The following DAB1 variants were observed in gnomAD, a reference collection of about 807,000 sequenced individuals.
The protein encoded by DAB1 is DAB adaptor protein 1.
A neutral mutation model predicts 64.6 loss-of-function variants in DAB1; 15 were observed. The observed-to-expected ratio is 0.23, with a 90% confidence interval of 0.16 to 0.36. DAB1 has a LOEUF of 0.36. Ranked by LOEUF, DAB1 falls within the 10% of genes least tolerant of loss-of-function variation. The pLI is 1.00. For synonymous variants in DAB1, 235 were observed against 251.9 expected (o/e 0.93, Z 0.64); for missense variants, 596 against 706.7 (o/e 0.84, Z 1.78).
chr1:57,491,700 T>C (rs931763891), intron 7 of DAB1, among the ~76,000 whole-genome samples: 1 of 152,182 alleles, frequency 6.6e-6, no homozygotes, highest in East Asian at 1.9e-4. Flanking sequence ...GAGATTCCAC[T>C]TGGCAATGCC....
chr1:58,256,386 A>G (rs1181140175), intron 4 of DAB1, among the ~76,000 whole-genome samples: 1 of 152,220 alleles, frequency 6.6e-6, no homozygotes, highest in Middle Eastern at 3.2e-3. Context: ...TCCAAGGGCC[A>G]GCAGCCAGCC....
chr1:57,071,197 A>C (rs1028077832), intron 6 of DAB1, 136 bp from the exon 7 acceptor site: 1 of 859,004 alleles, frequency 1.2e-6, no homozygotes, highest in Non-Finnish European at 1.8e-6. Flanking sequence ...CAAGGTAGAA[A>C]AAACACAAAA....
At chr1:57,899,593 T>C (rs1055462416) in intron 5 of DAB1, among the ~76,000 whole-genome samples, 10 of 151,986 alleles carry the variant, frequency 6.6e-5, no homozygotes, top group Non-Finnish European at 1.5e-5. Context: ...ACCGCAAACA[T>C]GCACGGACCA....
chr1:57,653,747 G>A (rs1184322171), intron 6 of DAB1, among the ~76,000 whole-genome samples: 1 of 152,096 alleles, frequency 6.6e-6, no homozygotes, highest in African/African-American at 2.4e-5. Context: ...CCAGTAGCTG[G>A]GAATACAGGA....
intron 6 of DAB1, among the ~76,000 whole-genome samples, chr1:57,818,119 CAGTT>C (rs1192343627): frequency 2.0e-5 from 3 of 152,062 alleles, no homozygotes; most frequent in Admixed American, 6.5e-5. Flanking sequence ...CACAATATAA[CAGTT>C]AGAGAAAGAG....
intron 6 of DAB1, among the ~76,000 whole-genome samples, chr1:57,685,440 CT>C (rs1456191528): frequency 6.6e-6 from 1 of 152,124 alleles, no homozygotes; most frequent in Non-Finnish European, 1.5e-5. Context: ...TACAAAAAGA[CT>C]TACATAGCCA....
intron 6 of DAB1, among the ~76,000 whole-genome samples, chr1:57,672,544 C>G (rs1646521407): frequency 6.6e-6 from 1 of 152,152 alleles, no homozygotes; most frequent in Non-Finnish European, 1.5e-5. Context: ...TATAGTCAAG[C>G]TCATTCCGCA....
intron 4 of DAB1, among the ~76,000 whole-genome samples, chr1:58,190,842 T>C (rs1245178131): frequency 1.3e-5 from 2 of 152,156 alleles, no homozygotes; most frequent in Non-Finnish European, 1.5e-5. Context: ...ACTGAGCAAG[T>C]TGACTATTCC....
chr1:57,327,401 A>G (rs1346209211), intron 1 of DAB1, among the ~76,000 whole-genome samples: 1 of 152,140 alleles, frequency 6.6e-6, no homozygotes, highest in African/African-American at 2.4e-5. Flanking sequence ...GTTCTGCAGC[A>G]CCAGGTGCCT....
intron 2 of DAB1, among the ~76,000 whole-genome samples, chr1:57,191,721 G>T (rs1664136458): frequency 6.6e-6 from 1 of 152,098 alleles, no homozygotes; most frequent in Non-Finnish European, 1.5e-5. Context: ...AGCACACCTG[G>T]AAAAGCTTAT....
intron 7 of DAB1, among the ~76,000 whole-genome samples, chr1:57,535,073 T>C (rs1408641237): frequency 5.3e-5 from 8 of 152,198 alleles, no homozygotes; most frequent in Non-Finnish European, 1.0e-4. Context: ...GGGCATCTCC[T>C]AAGCCAAGAC....
At chr1:57,382,887 T>C (rs1442659556) in intron 1 of DAB1, among the ~76,000 whole-genome samples, 2 of 152,092 alleles carry the variant, frequency 1.3e-5, no homozygotes, top group Non-Finnish European at 2.9e-5. Flanking sequence ...GGGCCAATTA[T>C]TCTGTCTACC....
intron 3 of DAB1, among the ~76,000 whole-genome samples, chr1:58,465,908 C>T (rs1431714399): frequency 1.3e-5 from 2 of 152,126 alleles, no homozygotes; most frequent in East Asian, 1.9e-4. Flanking sequence ...CACCACTACC[C>T]GATGCCACCT....
At chr1:57,720,269 C>T (rs972021207) in intron 6 of DAB1, among the ~76,000 whole-genome samples, 1 of 152,200 alleles carries the variant, frequency 6.6e-6, no homozygotes, top group Non-Finnish European at 1.5e-5. Flanking sequence ...CCATTCCCTA[C>T]TCAAAGCAAT....
At chr1:57,986,491 C>T (rs1646222218) in intron 5 of DAB1, among the ~76,000 whole-genome samples, 2 of 152,280 alleles carry the variant, frequency 1.3e-5, no homozygotes, top group Non-Finnish European at 2.9e-5. Context: ...AAATACATTT[C>T]TATTATTTCT....
chr1:57,420,387 C>T (rs779398891), intron 1 of DAB1, among the ~76,000 whole-genome samples: 3 of 152,190 alleles, frequency 2.0e-5, no homozygotes, highest in Admixed American at 6.5e-5. Context: ...TCCTGTGCCC[C>T]AGTTTCCTTA....
intron 5 of DAB1, among the ~76,000 whole-genome samples, chr1:57,904,805 C>T (rs990910383): frequency 2.6e-4 from 40 of 152,092 alleles, no homozygotes; most frequent in African/African-American, 8.4e-4. Context: ...GAAAGTTGTA[C>T]GGATGGGAGG....
chr1:57,761,489 G>A (rs1241309136), intron 6 of DAB1, among the ~76,000 whole-genome samples: 1 of 152,156 alleles, frequency 6.6e-6, no homozygotes, highest in Non-Finnish European at 1.5e-5. Context: ...CAATTCTGAG[G>A]TCTTATTGAT....
chr1:57,774,616 T>C (rs569173238), intron 6 of DAB1, among the ~76,000 whole-genome samples: 10 of 151,956 alleles, frequency 6.6e-5, no homozygotes, highest in African/African-American at 2.2e-4. Flanking sequence ...TTGTTATGAA[T>C]GAGTGTTGAA....
Sources: allele counts gnomAD v4.1 joint callset (sites outside exome capture counted in the v4.1 genomes callset), GRCh38; gene constraint gnomAD v4.1.1; transcripts MANE v1.5; gene names NCBI Gene and HGNC (gene_info 2026-07-23, HGNC 2026-07-21).